The following METTL2B variants were observed in gnomAD, a reference collection of about 807,000 sequenced individuals.
METTL2B encodes tRNA N(3)-cytidine methyltransferase METTL2B.
In METTL2B, 28 loss-of-function variants were observed where a neutral mutation model predicts 51.0. That is an observed-to-expected ratio of 0.55 (90% CI 0.41 to 0.75). The LOEUF (loss-of-function observed/expected upper bound fraction) is 0.75, where lower values mean the gene tolerates loss of function less well. Among genes scored for constraint, METTL2B ranks in the 30% least tolerant of loss-of-function variants. The pLI is 0.00. For missense variants in METTL2B, 313 were observed against 460.7 expected (o/e 0.68, Z 2.93); for synonymous variants, 128 against 166.3 (o/e 0.77, Z 1.77).
rs1467651158 is a variant in METTL2B, at chr7:128,504,375, GGA to G, written c.*2461_*2462del. On this transcript the variant is annotated 3_prime_UTR_variant, in exon 9 of 9. Transcript: ENST00000262432. ...CTTTTTTTTTTTTTTTTTTTGAGAT[GGA>G]GTTTCGCTCTTGTTGCCCAGGCTGG... 8.1e-6 allele frequency: 1 copy of G among 123,512 alleles called. No individual in the cohort carries two copies. The highest frequency in any genetic ancestry group is 1.7e-5 in the Non-Finnish European group (1 of 59,070). 7.7% of individuals were successfully genotyped at this position (123,512 alleles called of 1,614,324 possible).
At chr7:128,477,707 C>G (rs1246652639) in intron 2 of METTL2B, among the ~76,000 whole-genome samples, 3 of 151,226 alleles carry the variant, frequency 2.0e-5, no homozygotes, top group Admixed American at 6.6e-5. Context: ...AAAGGAGGCC[C>G]CTGCTTGAGA....
rs570735134 is a variant in METTL2B at position 128,480,666 on chromosome 7, A to G, written c.578A>G (p.Asn193Ser). 2.3e-5 allele frequency: 37 copies of G among 1,604,834 alleles called. 2 individuals carry two copies. The South Asian group carries it at 4.0e-4, about 18-fold the overall frequency. Reference sequence around the variant, plus strand: ...CTGCAGGTTGGCTGTGGTGTGGGAAACACAGTCTTTCCAATTTTACAAACG... The same window carrying G: ...CTGCAGGTTGGCTGTGGTGTGGGAAGCACAGTCTTTCCAATTTTACAAACG... ...RILEVGCGVG[N>S]TVFPILQTNN... Residue 193 changes from asparagine (N) to serine (S), a missense_variant, in exon 4 of 9, where the codon AAC becomes AGC. Coordinates refer to ENST00000262432, the MANE Select transcript of METTL2B (RefSeq NM_018396.3).
chr7:128,483,356 C>G (rs1374403820), intron 4 of METTL2B: 1 of 152,232 alleles, frequency 6.6e-6, no homozygotes, highest in African/African-American at 2.4e-5. Context: ...TCAAAGTCCT[C>G]TACAAGAGTG....
chr7:128,479,773 G>T (rs1799850209), intron 3 of METTL2B, among the ~76,000 whole-genome samples: 2 of 152,222 alleles, frequency 1.3e-5, no homozygotes, highest in Admixed American at 1.3e-4. Context: ...ATAGCATCAT[G>T]CTGTACCTGT....
rs35754579 is a variant in METTL2B at position 128,502,531 on chromosome 7, C to CA, written c.*617dup. On this transcript the variant is annotated 3_prime_UTR_variant, in exon 9 of 9. Coordinates refer to ENST00000262432, the MANE Select transcript of METTL2B (RefSeq NM_018396.3). ...AGAATCAGATCAGATATTTTCCTGACAAGAAAAAAATGACCCTGTAGACAG... is the reference window on the plus strand; with the variant it reads ...AGAATCAGATCAGATATTTTCCTGACAAAGAAAAAAATGACCCTGTAGACAG... 2.3e-3 allele frequency: 892 copies of CA among 390,158 alleles called. No individual in the cohort carries two copies. The highest frequency in any genetic ancestry group is 5.3e-3 in the East Asian group (64 of 12,088). The allele number at this position is 390,158 out of a possible 1,614,324, so 24.2% of individuals were successfully genotyped here.
intron 8 of METTL2B, chr7:128,501,212 G>C: frequency 2.0e-6 from 2 of 985,414 alleles, no homozygotes; most frequent in Non-Finnish European, 2.4e-6. Context: ...GTCTGCCACT[G>C]TCCAAAATGG....
chr7:128,489,132 A>T (rs1172709641), intron 5 of METTL2B, among the ~76,000 whole-genome samples: 1 of 152,026 alleles, frequency 6.6e-6, no homozygotes, highest in Admixed American at 6.6e-5. Context: ...AAAAATAAAG[A>T]TAAAAATACG....
intron 8 of METTL2B, chr7:128,501,345 C>G (rs1191846718): frequency 2.0e-6 from 2 of 985,352 alleles, no homozygotes; most frequent in African/African-American, 3.5e-5. Flanking sequence ...GGGAACTGCT[C>G]TCCTCTGCAA....
intron 6 of METTL2B, among the ~76,000 whole-genome samples, chr7:128,497,530 C>T (rs1208698030): frequency 1.3e-5 from 2 of 152,124 alleles, no homozygotes; most frequent in East Asian, 1.9e-4. Flanking sequence ...CCGCCCAGGC[C>T]GGAGGGCAGT....
At chr7:128,490,258 G>GAA (rs1167699193) in intron 5 of METTL2B, among the ~76,000 whole-genome samples, 2 of 150,350 alleles carry the variant, frequency 1.3e-5, no homozygotes, top group Admixed American at 6.6e-5. Context: ...AAGAAAGAAA[G>GAA]AAAGAATAAG....
At chr7:128,497,171 G>T (rs970214971) in intron 6 of METTL2B, among the ~76,000 whole-genome samples, 8 of 152,178 alleles carry the variant, frequency 5.3e-5, no homozygotes, top group African/African-American at 1.9e-4. Flanking sequence ...CCTGCACCAA[G>T]ACTTTTGAAG....
At chr7:128,501,734 C>G in intron 8 of METTL2B, 28 bp from the exon 9 acceptor site, 1 of 1,610,942 alleles carries the variant, frequency 6.2e-7, no homozygotes, top group Non-Finnish European at 8.5e-7. Flanking sequence ...GGGGAAAATG[C>G]ATAAACATCT....
chr7:128,478,962 C>T lies in METTL2B; in HGVS notation c.203-196C>T, dbSNP rs566281686. On this transcript the variant is annotated intron_variant, in intron 2 of 8. Coordinates refer to ENST00000262432, the MANE Select transcript of METTL2B (RefSeq NM_018396.3). ...AACAGAATTTAGACTCCTATAATGA[C>T]GGATGGGGCATTTGGGTATAATGCC... Among the ~76,000 whole-genome samples, 10 of 152,286 alleles carry T rather than the reference C, an allele frequency of 6.6e-5. No individual in the cohort carries two copies. The East Asian group carries it at 1.9e-3, about 29-fold the overall frequency.
At chr7:128,495,654 T>C (rs1792911975) in intron 6 of METTL2B, among the ~76,000 whole-genome samples, 2 of 152,148 alleles carry the variant, frequency 1.3e-5, no homozygotes. Flanking sequence ...GGTTTCACCA[T>C]GTTGGCCAGG....
intron 3 of METTL2B, 135 bp downstream of exon 3, chr7:128,479,648 G>A: frequency 2.2e-6 from 2 of 919,614 alleles, no homozygotes. Flanking sequence ...ATATTAGCCT[G>A]GAATCACCTC....
At chr7:128,485,098 TAA>T (rs201481118) in intron 4 of METTL2B, among the ~76,000 whole-genome samples, 1,587 of 152,292 alleles carry the variant, frequency 0.01, 32 homozygotes, top group African/African-American at 0.037. Context: ...GTATATGAAG[TAA>T]AATAGAGAAA....
In METTL2B at chr7:128,492,896, G is replaced by A. The variant is rs144381667; in HGVS notation, c.670-908G>A. ...CTCCCAAAGTGCTAGGATTACAGGC[G>A]TGAGCCACTGCGTGCTTATTTAAAG... On this transcript the variant is annotated intron_variant, in intron 5 of 8. Transcript: ENST00000262432. Among the ~76,000 whole-genome samples, 411 of 152,040 alleles carry A rather than the reference G, an allele frequency of 2.7e-3. 1 individual carries two copies. The highest frequency in any genetic ancestry group is 4.6e-3 in the Non-Finnish European group (310 of 67,976).
rs771709053 is a variant in METTL2B, at chr7:128,504,382, C to T, written c.*2466C>T. 9 of 120,490 alleles carry T rather than the reference C, an allele frequency of 7.5e-5. No homozygotes were observed. Among genetic ancestry groups the T allele is most frequent in the African/African-American group, 2.3e-4 (7 of 30,976 alleles). The allele number at this position is 120,490 out of a possible 1,614,324, so 7.5% of individuals were successfully genotyped here. A position where few individuals can be genotyped will look rare whatever the true frequency, so the allele number is the denominator to read the frequency against. ...TTTTTTTTTTTTTGAGATGGAGTTTCGCTCTTGTTGCCCAGGCTGGAGTAC... is the reference window on the plus strand; with the variant it reads ...TTTTTTTTTTTTTGAGATGGAGTTTTGCTCTTGTTGCCCAGGCTGGAGTAC... On this transcript the variant is annotated 3_prime_UTR_variant, in exon 9 of 9. Transcript: ENST00000262432.
chr7:128,481,726 T>C (rs982982604), intron 4 of METTL2B, among the ~76,000 whole-genome samples: 2 of 152,192 alleles, frequency 1.3e-5, no homozygotes, highest in African/African-American at 4.8e-5. Context: ...CACTGCAGGC[T>C]CAAACTCCTA....
Sources: allele counts gnomAD v4.1 joint callset (sites outside exome capture counted in the v4.1 genomes callset), GRCh38; gene constraint gnomAD v4.1.1; transcripts MANE v1.5; gene names NCBI Gene and HGNC (gene_info 2026-07-23, HGNC 2026-07-21).